The following MDM2 variants were observed in gnomAD, a reference collection of about 807,000 sequenced individuals.
MDM2 encodes the protein MDM2 proto-oncogene.
Under a neutral mutation model 64.3 loss-of-function variants are expected in MDM2, and 11 were observed. The ratio of observed to expected loss-of-function variants is 0.17; its 90% confidence interval spans 0.11 to 0.28. The LOEUF is 0.28. MDM2 is among the 10% of genes least tolerant of loss of function. The pLI is 1.00. For synonymous variants in MDM2, 194 were observed against 192.9 expected, an observed-to-expected ratio of 1.01 and a Z score of -0.05; for missense variants, 388 against 577.1, an observed-to-expected ratio of 0.67 and a Z score of 3.36.
chr12:68,835,628 A>G lies in MDM2; in HGVS notation c.685-201A>G, dbSNP rs576737538. On this transcript the variant is annotated intron_variant, in intron 8 of 10. Coordinates refer to ENST00000258149, the MANE Select transcript of MDM2 (RefSeq NM_002392.6). ...ATCTGAGGAGGAAATGTGCGTGGCA[A>G]CCGGCTCCGGGATGGCTGGCTGGGG... 4.0e-3 allele frequency among the ~76,000 whole-genome samples: 612 copies of G among 152,274 alleles called. 4 individuals carry two copies. The highest frequency in any genetic ancestry group is 0.014 in the African/African-American group (577 of 41,552).
chr12:68,808,627 G>A (rs1880576351), intron 1 of MDM2, 136 bp downstream of exon 1: 1 of 1,310,914 alleles, frequency 7.6e-7, no homozygotes, highest in Middle Eastern at 2.6e-4. Flanking sequence ...GGGGCGCGGG[G>A]CATGGGGCAC....
At chr12:68,829,269 TGA>T (rs1460855329) in intron 8 of MDM2, among the ~76,000 whole-genome samples, 2 of 152,172 alleles carry the variant, frequency 1.3e-5, no homozygotes, top group African/African-American at 2.4e-5. Flanking sequence ...TTTGAGAATT[TGA>T]GAGTTACACT....
intron 7 of MDM2, among the ~76,000 whole-genome samples, chr12:68,825,156 C>G (rs181555550): frequency 6.6e-6 from 1 of 152,166 alleles, no homozygotes; most frequent in African/African-American, 2.4e-5. Flanking sequence ...TTACAGTGAG[C>G]CGAAATTGCG....
At position 68,843,295 on chromosome 12, in the gene MDM2, TGAGAGA is replaced by T. The variant is rs138844063; in HGVS notation, c.*3462_*3467del. On this transcript the variant is annotated 3_prime_UTR_variant, in exon 11 of 11. Transcript: ENST00000258149. ...AGTACTAATCCCTTTGGCCATTTAT[TGAGAGA>T]GAGAGAGAGAGAGAGTAGGGTGACT... is the stretch of plus-strand genomic sequence containing the variant. The T allele has an allele frequency of 3.0e-4, 65 of 219,128 alleles. No homozygotes were observed. The highest frequency in any genetic ancestry group is 1.3e-3 in the African/African-American group (57 of 44,128). The allele number at this position is 219,128 out of a possible 1,614,324, so 13.6% of individuals were successfully genotyped here.
chr12:68,824,581 G>A lies in MDM2; in HGVS notation c.453G>A (p.Glu151=). The A allele has an allele frequency of 6.2e-7, 1 of 1,613,526 alleles. No homozygotes were observed. The highest frequency in any genetic ancestry group is 2.2e-5 in the East Asian group (1 of 44,852). ...QKDLVQELQE[E]KPSSSHLVSR... ...ACCTTGTACAAGAGCTTCAGGAAGAGAAACCTTCATCTTCACATTTGGTTT... is the reference window on the plus strand; with the variant it reads ...ACCTTGTACAAGAGCTTCAGGAAGAAAAACCTTCATCTTCACATTTGGTTT... Residue 151 remains glutamate (E), a synonymous_variant, in exon 7 of 11, where the codon GAG becomes GAA. Coordinates refer to ENST00000258149, the MANE Select transcript of MDM2 (RefSeq NM_002392.6).
At chr12:68,832,513 T>C (rs1592593607) in intron 8 of MDM2, among the ~76,000 whole-genome samples, 3 of 152,010 alleles carry the variant, frequency 2.0e-5, no homozygotes, top group South Asian at 2.1e-4. Context: ...TAAAAAAATA[T>C]ATATTTTTTA....
At chr12:68,828,460 C>T (rs1032909478) in intron 7 of MDM2, 6 of 248,814 alleles carry the variant, frequency 2.4e-5, no homozygotes, top group Admixed American at 4.7e-5. Flanking sequence ...ACCAGCTACT[C>T]GGGAGGCTGA....
chr12:68,808,404 C>A lies in MDM2; in HGVS notation c.-74C>A, dbSNP rs1880545730. ...GAATGATCCCCGAGGCCCAGGGCGT[C>A]GTGCTTCCGCGCGCCCCGTGAAGGA... On this transcript the variant is annotated 5_prime_UTR_variant, in exon 1 of 11. Transcript: ENST00000258149. The A allele has an allele frequency of 1.9e-6, 3 of 1,604,964 alleles. No individual in the cohort carries two copies.
downstream of MDM2, chr12:68,848,254 C>T (rs1296468435): frequency 6.6e-6 from 1 of 152,270 alleles, no homozygotes; most frequent in African/African-American, 2.4e-5. Flanking sequence ...GTGATCTTGG[C>T]TCACTGCAGC....
At chr12:68,833,786 G>A (rs563350254) in intron 8 of MDM2, among the ~76,000 whole-genome samples, 2 of 152,238 alleles carry the variant, frequency 1.3e-5, no homozygotes, top group African/African-American at 4.8e-5. Flanking sequence ...GACCCCTACC[G>A]TAGAGTATGT....
chr12:68,840,990 A>C lies in MDM2; in HGVS notation c.*1141A>C, dbSNP rs1036546860. 5.7e-6 allele frequency: 1 copy of C among 173,942 alleles called. No individual in the cohort carries two copies. Among genetic ancestry groups the C allele is most frequent in the Non-Finnish European group, 1.2e-5 (1 of 80,968 alleles). 10.8% of individuals were successfully genotyped at this position (173,942 alleles called of 1,614,324 possible). A position where few individuals can be genotyped will look rare whatever the true frequency, so the allele number is the denominator to read the frequency against. ...CTTCCAAGTAACTGGGATTACAGGC[A>C]TGTACCACCATACCAGCTGATTTTT... On this transcript the variant is annotated 3_prime_UTR_variant, in exon 11 of 11. Coordinates refer to ENST00000258149, the MANE Select transcript of MDM2 (RefSeq NM_002392.6).
chr12:68,828,715 A>C, intron 7 of MDM2, 56 bp from the exon 8 acceptor site: 3 of 1,535,802 alleles, frequency 2.0e-6, no homozygotes, highest in Non-Finnish European at 2.7e-6. Context: ...TACTCAAAAC[A>C]GCTCAATTTT....
rs1883696275 is a variant in MDM2, at chr12:68,840,756, C to G, written c.*907C>G. ...CCTGACCTCAAGTGAGGTCACCCGC[C>G]TCGGCCTCCCGAAGTGCTGGGATTG... is the stretch of plus-strand genomic sequence containing the variant. On this transcript the variant is annotated 3_prime_UTR_variant, in exon 11 of 11. Coordinates refer to ENST00000258149, the MANE Select transcript of MDM2 (RefSeq NM_002392.6). 6.0e-6 allele frequency: 1 copy of G among 167,856 alleles called. No individual in the cohort carries two copies. Among genetic ancestry groups the G allele is most frequent in the South Asian group, 2.0e-4 (1 of 4,946 alleles). 10.4% of individuals were successfully genotyped at this position (167,856 alleles called of 1,614,324 possible).
chr12:68,822,449 A>G (rs567417100), intron 5 of MDM2, among the ~76,000 whole-genome samples: 1 of 150,734 alleles, frequency 6.6e-6, no homozygotes, highest in South Asian at 2.1e-4. Context: ...TTTAGGGTAC[A>G]TGTGTACAAT....
At chr12:68,829,007 G>A (rs1882580144) in intron 8 of MDM2, 76 bp downstream of exon 8, 1 of 1,404,516 alleles carries the variant, frequency 7.1e-7, no homozygotes, top group Non-Finnish European at 9.9e-7. Flanking sequence ...TAAGGATACG[G>A]ATAGAATGTA....
At position 68,839,485 on chromosome 12, in the gene MDM2, G is replaced by C. The variant is rs1408066737; in HGVS notation, c.1130G>C (p.Arg377Thr). 1 of 1,613,866 alleles carries C rather than the reference G, an allele frequency of 6.2e-7. No individual in the cohort carries two copies. Among genetic ancestry groups the C allele is most frequent in the Non-Finnish European group, 8.5e-7 (1 of 1,180,024 alleles). Residue 377 changes from arginine (R) to threonine (T), a missense_variant, in exon 11 of 11, where the codon AGA (arginine) becomes ACA (threonine). Arg to Thr is a moderately conservative substitution (Grantham distance 71). This residue lies in a region of MDM2 where 138 missense variants were observed against 143.7 expected (regional missense o/e 0.96). Transcript: ENST00000258149. ...AAAAAAACTATAGTGAATGATTCCA[G>C]AGAGTCATGTGTTGAGGAAAATGAT... ...DCKKTIVNDS[R>T]ESCVEENDDK...
chr12:68,835,683 C>G (rs3730639), intron 8 of MDM2, 146 bp from the exon 9 acceptor site: 2 of 695,300 alleles, frequency 2.9e-6, no homozygotes, highest in Non-Finnish European at 4.4e-6. Flanking sequence ...CGATCTCCCT[C>G]GGGAAGTCCC....
intron 7 of MDM2, 185 bp downstream of exon 7, chr12:68,824,836 G>A: frequency 1.8e-6 from 1 of 562,862 alleles, no homozygotes; most frequent in South Asian, 2.2e-5. Flanking sequence ...TATTTTTCTG[G>A]CTGACTACAG....
At chr12:68,826,678 A>G (rs1358122796) in intron 7 of MDM2, among the ~76,000 whole-genome samples, 1 of 151,694 alleles carries the variant, frequency 6.6e-6, no homozygotes, top group Non-Finnish European at 1.5e-5. Flanking sequence ...AAGAAAAAAA[A>G]GTCTTAGAGT....
Sources: allele counts gnomAD v4.1 joint callset (sites outside exome capture counted in the v4.1 genomes callset), GRCh38; gene constraint gnomAD v4.1.1; regional missense constraint gnomAD v4.1.1; transcripts MANE v1.5; gene names NCBI Gene and HGNC (gene_info 2026-07-23, HGNC 2026-07-21).